The following BICD1 variants were observed in gnomAD, a reference collection of about 807,000 sequenced individuals.
BICD1 encodes BICD cargo adaptor 1, also known as protein bicaudal D homolog 1.
Under a neutral mutation model 92.5 loss-of-function variants are expected in BICD1, and 35 were observed. The ratio of observed to expected loss-of-function variants is 0.38; its 90% CI spans 0.29 to 0.50. BICD1 has a LOEUF of 0.50. Ranked by LOEUF, BICD1 falls within the 20% of genes least tolerant of loss-of-function variation. BICD1 has a pLI of 0.93. For missense variants in BICD1, 950 were observed against 1,189.8 expected, an observed-to-expected ratio of 0.80 and a Z score of 2.97; for synonymous variants, 429 against 465.1, an observed-to-expected ratio of 0.92 and a Z score of 1.00.
At chr12:32,151,854 C>T (rs1348621619) in intron 1 of BICD1, among the ~76,000 whole-genome samples, 1 of 152,206 alleles carries the variant, frequency 6.6e-6, no homozygotes, top group Non-Finnish European at 1.5e-5. Context: ...CCCTTTTTCT[C>T]CTTCCCTGTG....
At chr12:32,214,921 C>G (rs888276828) in intron 1 of BICD1, among the ~76,000 whole-genome samples, 1 of 151,898 alleles carries the variant, frequency 6.6e-6, no homozygotes, top group Non-Finnish European at 1.5e-5. Flanking sequence ...GATTATTGTT[C>G]TCAGAGTCAG....
chr12:32,366,650 T>C (rs1003585948), intron 8 of BICD1, among the ~76,000 whole-genome samples: 2 of 152,036 alleles, frequency 1.3e-5, no homozygotes, highest in African/African-American at 2.4e-5. Flanking sequence ...CTGTCTCAAA[T>C]AAACAAACAA....
chr12:32,318,069 A>C (rs1442335295), intron 4 of BICD1, among the ~76,000 whole-genome samples: 2 of 151,850 alleles, frequency 1.3e-5, no homozygotes, highest in African/African-American at 4.8e-5. Flanking sequence ...CCATTGGTCT[A>C]TATCTCTGTT....
intron 2 of BICD1, among the ~76,000 whole-genome samples, chr12:32,230,822 A>G (rs1414979922): frequency 6.6e-6 from 1 of 151,036 alleles, no homozygotes. Flanking sequence ...AGTGTCCCCA[A>G]GGGAGAGTCA....
chr12:32,182,720 T>C (rs1174926885), intron 1 of BICD1, among the ~76,000 whole-genome samples: 1 of 151,880 alleles, frequency 6.6e-6, no homozygotes, highest in Non-Finnish European at 1.5e-5. Context: ...TGGTAGTATT[T>C]TTATTTATAA....
chr12:32,281,082 A>G (rs1418291226), intron 2 of BICD1, among the ~76,000 whole-genome samples: 1 of 152,212 alleles, frequency 6.6e-6, no homozygotes, highest in East Asian at 1.9e-4. Context: ...AGTGACTCAC[A>G]GAAACACTCC....
At chr12:32,145,473 C>T (rs1194355446) in intron 1 of BICD1, among the ~76,000 whole-genome samples, 1 of 152,098 alleles carries the variant, frequency 6.6e-6, no homozygotes, top group African/African-American at 2.4e-5. Context: ...AGTTATTGCA[C>T]AAGAGATCCT....
intron 3 of BICD1, among the ~76,000 whole-genome samples, chr12:32,304,064 A>C (rs1247294312): frequency 1.3e-5 from 2 of 148,358 alleles, no homozygotes; most frequent in African/African-American, 2.6e-5. Context: ...ACAGAGCGAG[A>C]CTCCGTCTCA....
At chr12:32,117,664 T>C (rs932101357) in intron 1 of BICD1, among the ~76,000 whole-genome samples, 6 of 147,874 alleles carry the variant, frequency 4.1e-5, no homozygotes, top group Non-Finnish European at 9.0e-5. Flanking sequence ...CTTTATATTT[T>C]GTCATTTACG....
intron 1 of BICD1, among the ~76,000 whole-genome samples, chr12:32,124,342 A>G (rs1001014621): frequency 7.2e-5 from 11 of 152,216 alleles, no homozygotes; most frequent in Admixed American, 3.9e-4. Context: ...ACTGGAAACA[A>G]TATGAGTTTT....
At chr12:32,116,866 T>C (rs763593226) in intron 1 of BICD1, among the ~76,000 whole-genome samples, 2 of 152,082 alleles carry the variant, frequency 1.3e-5, no homozygotes, top group African/African-American at 2.4e-5. Flanking sequence ...AGGTGTGAAC[T>C]ACTGTGCCTG....
At chr12:32,210,310 G>A (rs896578903) in intron 1 of BICD1, among the ~76,000 whole-genome samples, 19 of 152,078 alleles carry the variant, frequency 1.2e-4, no homozygotes, top group African/African-American at 4.1e-4. Flanking sequence ...CCTAGTACAC[G>A]TTCTGCCACA....
At chr12:32,318,505 T>C (rs1230736424) in intron 4 of BICD1, among the ~76,000 whole-genome samples, 1 of 152,210 alleles carries the variant, frequency 6.6e-6, no homozygotes, top group Admixed American at 6.5e-5. Flanking sequence ...ATGCTTTGGC[T>C]CTCTGTTTGT....
intron 1 of BICD1, among the ~76,000 whole-genome samples, chr12:32,114,532 C>T (rs187917524): frequency 4.3e-4 from 66 of 152,146 alleles, no homozygotes; most frequent in Admixed American, 3.3e-3. Context: ...AGGTGCACAC[C>T]GCCATGCCTG....
intron 1 of BICD1, among the ~76,000 whole-genome samples, chr12:32,151,840 G>GT (rs1350204260): frequency 6.6e-6 from 1 of 152,164 alleles, no homozygotes; most frequent in Non-Finnish European, 1.5e-5. Context: ...CCTACCCCCA[G>GT]TTTCCCTTTT....
chr12:32,333,272 T>C (rs1271475565), intron 5 of BICD1: 2 of 984,250 alleles, frequency 2.0e-6, no homozygotes. Context: ...TTTCTGAATC[T>C]GTAATATTTC....
chr12:32,126,792 A>C (rs1263716844), intron 1 of BICD1, among the ~76,000 whole-genome samples: 1 of 152,060 alleles, frequency 6.6e-6, no homozygotes, highest in Non-Finnish European at 1.5e-5. Flanking sequence ...GCAGAAATTA[A>C]AATTGTAAAA....
At chr12:32,356,972 C>T (rs1939137496) in intron 8 of BICD1, among the ~76,000 whole-genome samples, 1 of 150,664 alleles carries the variant, frequency 6.6e-6, no homozygotes, top group South Asian at 2.1e-4. Context: ...AGTGCTTTTG[C>T]TAAGAAGGAA....
chr12:32,207,035 A>G (rs1210856300), intron 1 of BICD1, among the ~76,000 whole-genome samples: 1 of 152,248 alleles, frequency 6.6e-6, no homozygotes, highest in African/African-American at 2.4e-5. Flanking sequence ...GAAAATGGTG[A>G]TACAAAATGC....
Sources: allele counts gnomAD v4.1 joint callset (sites outside exome capture counted in the v4.1 genomes callset), GRCh38; gene constraint gnomAD v4.1.1; transcripts MANE v1.5; gene names NCBI Gene and HGNC (gene_info 2026-07-23, HGNC 2026-07-21).